PLAC1: variants seen among roughly 807,000 people sequenced by gnomAD.
PLAC1 encodes the protein placenta associated 1.
For missense variants in PLAC1, 136 were observed against 163.2 expected, an observed-to-expected ratio of 0.83 and a Z score of 0.91; for synonymous variants, 68 against 62.1, an observed-to-expected ratio of 1.09 and a Z score of -0.44.
intron 1 of PLAC1, among the ~76,000 whole-genome samples, chrX:134,752,704 C>T (rs993151577): frequency 9.0e-6 from 1 of 111,370 alleles, no homozygotes; most frequent in African/African-American, 3.3e-5. Flanking sequence ...CAGGCCCTGA[C>T]AAACATCCTT....
chrX:134,709,869 GC>G (rs2078622638), intron 2 of PLAC1, among the ~76,000 whole-genome samples: 1 of 111,683 alleles, frequency 9.0e-6, no homozygotes, highest in African/African-American at 3.3e-5. Flanking sequence ...ACTGTTAAAA[GC>G]AAAATTTTAC....
exon 2 of PLAC1, chrX:134,733,508 G>A (rs2078694829): frequency 8.9e-6 from 1 of 111,741 alleles, no homozygotes; most frequent in African/African-American, 3.3e-5. Flanking sequence ...TGTCAGTCTC[G>A]TTTTCTTTGT....
At chrX:134,697,394 T>C (rs1190682544) in intron 2 of PLAC1, among the ~76,000 whole-genome samples, 1 of 111,579 alleles carries the variant, frequency 9.0e-6, no homozygotes, top group Admixed American at 9.4e-5. Context: ...GAAAGGAAAA[T>C]AGAAGACCTT....
chrX:134,580,034 G>A (rs1376828045), intron 2 of PLAC1, among the ~76,000 whole-genome samples: 1 of 112,295 alleles, frequency 8.9e-6, no homozygotes, highest in Non-Finnish European at 1.9e-5. Flanking sequence ...GCACCCTTGG[G>A]AGTAGAAGAA....
intron 2 of PLAC1, among the ~76,000 whole-genome samples, chrX:134,588,290 T>TTTTTTTTATTTA (rs1432747413): frequency 6.7e-5 from 5 of 74,656 alleles, no homozygotes; most frequent in African/African-American, 2.2e-4. Flanking sequence ...GAACTCTTTA[T>TTTTTTTTATTTA]TTTATTTATT....
intron 1 of PLAC1, among the ~76,000 whole-genome samples, chrX:134,618,689 T>C (rs972716457): frequency 2.7e-5 from 3 of 112,150 alleles, no homozygotes; most frequent in African/African-American, 9.7e-5. Context: ...GGGCTGTGAT[T>C]ACAGGCGTGA....
At chrX:134,570,933 T>C (rs1307544206) in intron 2 of PLAC1, among the ~76,000 whole-genome samples, 1 of 112,536 alleles carries the variant, frequency 8.9e-6, no homozygotes, top group Admixed American at 9.4e-5. Flanking sequence ...GAATATAAAC[T>C]GTATTTCCTT....
intron 1 of PLAC1, among the ~76,000 whole-genome samples, chrX:134,623,962 A>C (rs1250952130): frequency 2.7e-5 from 3 of 111,974 alleles, no homozygotes; most frequent in East Asian, 2.8e-4. Flanking sequence ...CTCTCTGCTG[A>C]TAAGTGCATT....
chrX:134,595,056 G>A (rs2078056293), intron 2 of PLAC1, among the ~76,000 whole-genome samples: 1 of 109,554 alleles, frequency 9.1e-6, no homozygotes, highest in East Asian at 2.8e-4. Flanking sequence ...AAATATTATA[G>A]TTTTATTTTC....
At chrX:134,693,565 G>A (rs1176135907) in intron 2 of PLAC1, among the ~76,000 whole-genome samples, 1 of 111,888 alleles carries the variant, frequency 8.9e-6, no homozygotes, top group Non-Finnish European at 1.9e-5. Flanking sequence ...CATACAGTCA[G>A]TAAGTGGTGA....
intron 1 of PLAC1, among the ~76,000 whole-genome samples, chrX:134,759,607 C>G (rs762582077): frequency 8.9e-6 from 1 of 111,936 alleles, no homozygotes; most frequent in Non-Finnish European, 1.9e-5. Context: ...CAAAGGGATA[C>G]CTGCACTCCT....
chrX:134,735,513 T>C (rs1193957023), intron 1 of PLAC1, among the ~76,000 whole-genome samples: 1 of 111,350 alleles, frequency 9.0e-6, no homozygotes, highest in Non-Finnish European at 1.9e-5. Flanking sequence ...CTTAGAATTT[T>C]AAAAGGCAGT....
chrX:134,702,363 G>A (rs2078586382), intron 2 of PLAC1, among the ~76,000 whole-genome samples: 1 of 112,107 alleles, frequency 8.9e-6, no homozygotes. Context: ...CATCAGTGGT[G>A]GACTGGATAA....
At chrX:134,651,755 C>T (rs949241936) in intron 1 of PLAC1, among the ~76,000 whole-genome samples, 1 of 103,554 alleles carries the variant, frequency 9.7e-6, no homozygotes, top group Admixed American at 1.0e-4. Context: ...CTGTCCTCCT[C>T]ATGCCCTCGG....
chrX:134,735,646 G>T (rs1394060859), intron 1 of PLAC1, among the ~76,000 whole-genome samples: 1 of 108,402 alleles, frequency 9.2e-6, no homozygotes, highest in Non-Finnish European at 1.9e-5. Context: ...GAGAAAGCAA[G>T]AAAGAGAGAG....
chrX:134,575,178 C>T (rs2077931051), intron 2 of PLAC1, among the ~76,000 whole-genome samples: 1 of 110,731 alleles, frequency 9.0e-6, no homozygotes, highest in Admixed American at 9.7e-5. Context: ...TGAGTGTCCC[C>T]GAGCCTGAAT....
At chrX:134,633,233 G>C (rs1389936715) in intron 1 of PLAC1, among the ~76,000 whole-genome samples, 1 of 111,641 alleles carries the variant, frequency 9.0e-6, no homozygotes, top group African/African-American at 3.3e-5. Flanking sequence ...GGTACTAATA[G>C]GACTCCAACA....
intron 2 of PLAC1, among the ~76,000 whole-genome samples, chrX:134,578,209 G>A (rs758098164): frequency 9.0e-6 from 1 of 110,650 alleles, no homozygotes; most frequent in East Asian, 2.9e-4. Context: ...GTCAGGAGAT[G>A]GAGACCATCC....
At chrX:134,638,762 T>A (rs186801687) in intron 1 of PLAC1, among the ~76,000 whole-genome samples, 3,044 of 102,783 alleles carry the variant, frequency 0.03, 109 homozygotes, top group African/African-American at 0.09. Flanking sequence ...CTGGCTTTTT[T>A]AAAAAAAAAA....
Sources: gnomAD v4.1 joint callset for allele counts (sites outside exome capture counted in the v4.1 genomes callset) on GRCh38, gnomAD v4.1.1 for gene constraint, MANE v1.5 for transcripts, NCBI Gene and HGNC (gene_info 2026-07-23, HGNC 2026-07-21) for gene names.